The following PXK variants were observed in gnomAD, a reference collection of about 807,000 sequenced individuals.
PXK encodes the protein PX domain containing serine/threonine kinase like.
In PXK, 35 loss-of-function variants were observed where a neutral mutation model predicts 84.7. The ratio of observed to expected loss-of-function variants is 0.41; its 90% CI spans 0.32 to 0.55. The LOEUF is 0.55. Among genes scored for constraint, PXK ranks in the 20% least tolerant of loss-of-function variants. PXK has a pLI of 0.21. For missense variants in PXK, 634 were observed against 699.7 expected (o/e 0.91, Z 1.06); for synonymous variants, 253 against 260.8 (o/e 0.97, Z 0.29).
intron 5 of PXK, 58 bp from the exon 6 acceptor site, chr3:58,391,089 A>T (rs1349771163): frequency 7.9e-7 from 1 of 1,260,176 alleles, no homozygotes; most frequent in African/African-American, 1.5e-5. Context: ...AGTCAGTGAA[A>T]CATATCAGTT....
At position 58,399,442 on chromosome 3, in the gene PXK, C is replaced by A; in HGVS notation, c.1181+65C>A. On this transcript the variant is annotated intron_variant, in intron 12 of 17. Coordinates refer to ENST00000356151, the MANE Select transcript of PXK (RefSeq NM_017771.5). This position sits in a 1 kb window ranked among gnomAD's most constrained non-coding sequence, Gnocchi z 4.3. ...ATGTTGAACACCAGACCACTGTGTC[C>A]AAGCACCTGGTACTGTAGTAAAGAT... 2.0e-6 allele frequency: 3 copies of A among 1,488,592 alleles called. No individual in the cohort carries two copies. The highest frequency in any genetic ancestry group is 2.3e-5 in the East Asian group (1 of 43,946). 92.2% of individuals were successfully genotyped at this position (1,488,592 alleles called of 1,614,324 possible).
chr3:58,407,404 T>G lies in PXK; in HGVS notation c.1231-1520T>G, dbSNP rs2059555964. ...CCTCTTTTTAATTGGGTTACTTATA[T>G]TTTGTTGTTGAGTTGTTGGAGTTCC... On this transcript the variant is annotated intron_variant, in intron 13 of 17. Transcript: ENST00000356151. The surrounding 1 kb of genome is among the most constrained non-coding windows in gnomAD (Gnocchi z 4.3). 6.6e-6 allele frequency among the ~76,000 whole-genome samples: 1 copy of G among 152,156 alleles called. No individual in the cohort carries two copies. Among genetic ancestry groups the G allele is most frequent in the Admixed American group, 6.5e-5 (1 of 15,274 alleles).
At position 58,408,523 on chromosome 3, in the gene PXK, C is replaced by T. The variant is rs1265753720; in HGVS notation, c.1231-401C>T. 1.5e-4 allele frequency among the ~76,000 whole-genome samples: 20 copies of T among 137,292 alleles called. No individual in the cohort carries two copies. In the Admixed American group the frequency reaches 1.5e-3, roughly 10 times the overall value. 90.1% of individuals were successfully genotyped at this position (137,292 alleles called of 152,430 possible). On this transcript the variant is annotated intron_variant, in intron 13 of 17. Coordinates refer to ENST00000356151, the MANE Select transcript of PXK (RefSeq NM_017771.5). ...CTTTAACTGATTTTATTCCAAATGA[C>T]TCTTTTTTTTTTTTTTTGAGATGGA...
chr3:58,422,611 A>G, intron 17 of PXK: 1 of 984,954 alleles, frequency 1.0e-6, no homozygotes, highest in African/African-American at 1.8e-5. Flanking sequence ...CCCACCCTCA[A>G]CTCCCAAACT....
intron 17 of PXK, chr3:58,413,413 G>C (rs950365500): frequency 6.2e-6 from 1 of 161,994 alleles, no homozygotes; most frequent in African/African-American, 2.4e-5. Context: ...GAGTCACTGC[G>C]TTTCTGATTT....
chr3:58,424,540 CTAT>C (rs2062528466), intron 17 of PXK, among the ~76,000 whole-genome samples: 1 of 152,202 alleles, frequency 6.6e-6, no homozygotes, highest in Non-Finnish European at 1.5e-5. Context: ...TTTAACATGA[CTAT>C]TGTTTGAGAA....
Position 58,382,569 on chromosome 3 carries a change from G to A in PXK, c.257G>A (p.Arg86His), listed in dbSNP as rs537544757. 3.1e-6 allele frequency: 5 copies of A among 1,601,410 alleles called. No homozygotes were observed. The highest frequency in any genetic ancestry group is 3.5e-5 in the Admixed American group (2 of 57,640). The stretch of plus-strand genomic sequence containing the variant: ...AAAAAATTGATTGGTAACATGGATC[G>A]TGAATTCATAGCTGAAAGGCAGAAA... ...PPKKLIGNMD[R>H]EFIAERQKGL... Residue 86 changes from arginine (R) to histidine (H), a missense_variant, in exon 4 of 18, where the codon CGT becomes CAT. Arg to His is a conservative substitution (Grantham distance 29, BLOSUM62 0). Coordinates refer to ENST00000356151, the MANE Select transcript of PXK (RefSeq NM_017771.5).
In PXK at chr3:58,421,542, T is replaced by C; in HGVS notation, c.1529-3210T>C. On this transcript the variant is annotated intron_variant, in intron 17 of 17. Coordinates refer to ENST00000356151, the MANE Select transcript of PXK (RefSeq NM_017771.5). This position sits in a 1 kb window ranked among gnomAD's most constrained non-coding sequence, Gnocchi z 5.5. ...TTGCAGTGAGCCGAGATCGCGCCAC[T>C]GCACTCCAGCCTGGGCAACAGAGCG... 1.0e-6 allele frequency: 1 copy of C among 956,166 alleles called. No homozygotes were observed. Among genetic ancestry groups the C allele is most frequent in the Non-Finnish European group, 1.2e-6 (1 of 801,382 alleles). The allele number at this position is 956,166 out of a possible 1,614,324, so 59.2% of individuals were successfully genotyped here.
At chr3:58,402,590 C>T (rs991236588) in intron 12 of PXK, among the ~76,000 whole-genome samples, 112 of 151,488 alleles carry the variant, frequency 7.4e-4, no homozygotes, top group African/African-American at 2.6e-3. Flanking sequence ...CCACCATGCC[C>T]GGCTAGTTTT....
chr3:58,381,145 AG>A (rs1474654970), intron 3 of PXK, among the ~76,000 whole-genome samples: 2 of 151,448 alleles, frequency 1.3e-5, no homozygotes, highest in African/African-American at 4.9e-5. Context: ...GCTACTTGGG[AG>A]GCTGAGGCAG....
chr3:58,406,609 ACT>A (rs2107501956), intron 13 of PXK, among the ~76,000 whole-genome samples: 1 of 152,280 alleles, frequency 6.6e-6, no homozygotes, highest in Non-Finnish European at 1.5e-5. Context: ...TATAAAATTT[ACT>A]CTCTGAACCA....
chr3:58,410,852 C>T (rs56277403), intron 16 of PXK, among the ~76,000 whole-genome samples: 19,752 of 152,178 alleles, frequency 0.13, 1,967 homozygotes, highest in African/African-American at 0.27. Context: ...CCCTGAAGGG[C>T]CACGGGAATG....
intron 2 of PXK, 92 bp downstream of exon 2, chr3:58,366,016 A>C: frequency 9.6e-7 from 1 of 1,038,284 alleles, no homozygotes; most frequent in Non-Finnish European, 1.4e-6. Context: ...GTCTGGAAAA[A>C]TCAGAACATG....
At position 58,409,619 on chromosome 3, in the gene PXK, G is replaced by T; in HGVS notation, c.1395+1G>T. On this transcript the variant is annotated splice_donor_variant, in intron 15 of 17. Coordinates refer to ENST00000356151, the MANE Select transcript of PXK (RefSeq NM_017771.5). LOFTEE classifies it high-confidence loss of function. The surrounding 1 kb of genome is among the most constrained non-coding windows in gnomAD (Gnocchi z 4.2). Reference sequence around the variant, plus strand: ...AAAAAGAAAGATTTTAGCTCGAAAGGTAAGCCTGCTGTCTCTCTGCAGTCC... The same window carrying T: ...AAAAAGAAAGATTTTAGCTCGAAAGTTAAGCCTGCTGTCTCTCTGCAGTCC... 2.5e-6 allele frequency: 4 copies of T among 1,609,786 alleles called. No homozygotes were observed. Among genetic ancestry groups the T allele is most frequent in the Non-Finnish European group, 3.4e-6 (4 of 1,177,726 alleles).
At chr3:58,342,647 A>AAGAAAAG (rs1553743385) in intron 1 of PXK, among the ~76,000 whole-genome samples, 1 of 138,748 alleles carries the variant, frequency 7.2e-6, no homozygotes, top group Non-Finnish European at 1.5e-5. Context: ...AAAAAAAAAA[A>AAGAAAAG]AAAAGAAAAG....
At chr3:58,408,306 G>A (rs1189271977) in intron 13 of PXK, among the ~76,000 whole-genome samples, 1 of 152,222 alleles carries the variant, frequency 6.6e-6, no homozygotes, top group Non-Finnish European at 1.5e-5. Context: ...ATCAGGAAAT[G>A]TGAGGCCTTC....
chr3:58,357,753 C>G (rs148335933), intron 1 of PXK, among the ~76,000 whole-genome samples: 3 of 152,078 alleles, frequency 2.0e-5, no homozygotes, highest in Non-Finnish European at 2.9e-5. Flanking sequence ...AGTTACAGAC[C>G]AGCCTGGCAA....
chr3:58,366,068 C>A, intron 2 of PXK, 144 bp downstream of exon 2: 3 of 727,694 alleles, frequency 4.1e-6, no homozygotes, highest in Non-Finnish European at 6.5e-6. Context: ...AAACTTTTAG[C>A]TTTAAGACAA....
Position 58,383,280 on chromosome 3 carries a change from A to C in PXK, c.388+580A>C, listed in dbSNP as rs575772166. ...GCACTCTAGCCTAGGCAACAGAGCA[A>C]GACTCTGTCTTAAAAAGATAATAAT... On this transcript the variant is annotated intron_variant, in intron 4 of 17. Transcript: ENST00000356151. This position sits in a 1 kb window ranked among gnomAD's most constrained non-coding sequence, Gnocchi z 4.0. Among the ~76,000 whole-genome samples the C allele has an allele frequency of 3.4e-4, 52 of 152,282 alleles. No homozygotes were observed. Among genetic ancestry groups the C allele is most frequent in the African/African-American group, 1.2e-3 (49 of 41,586 alleles).
Sources: allele counts gnomAD v4.1 joint callset (sites outside exome capture counted in the v4.1 genomes callset), GRCh38; gene constraint gnomAD v4.1.1; non-coding constraint Gnocchi (gnomAD v3.1); transcripts MANE v1.5; gene names NCBI Gene and HGNC (gene_info 2026-07-23, HGNC 2026-07-21).